MED6: variants seen among roughly 807,000 people sequenced by gnomAD.
MED6 encodes the protein mediator complex subunit 6, also known as mediator of RNA polymerase II transcription subunit 6.
A neutral mutation model predicts 37.5 loss-of-function variants in MED6; 33 were observed. The ratio of observed to expected loss-of-function variants is 0.88; its 90% CI spans 0.67 to 1.18. MED6 has a LOEUF of 1.18. MED6 is among the 50% of genes most tolerant of loss of function. MED6 has a pLI of 0.00. For synonymous variants in MED6, 94 were observed against 93.6 expected (o/e 1.00, Z -0.02); for missense variants, 235 against 290.6 (o/e 0.81, Z 1.39).
Position 70,583,599 on chromosome 14 carries a change from A to G in MED6, c.*1214T>C, listed in dbSNP as rs1884610623. On this transcript the variant is annotated 3_prime_UTR_variant, in exon 8 of 8. Coordinates refer to ENST00000256379, the MANE Select transcript of MED6 (RefSeq NM_005466.4). The stretch of plus-strand genomic sequence containing the variant: ...ACCAAACACTGAAAAGGCATTATAC[A>G]AAGATATAATCACAGCAGTCTTATA... 1 of 152,370 alleles carries G rather than the reference A, an allele frequency of 6.6e-6. No individual in the cohort carries two copies. The highest frequency in any genetic ancestry group is 2.4e-5 in the African/African-American group (1 of 41,468). 9.4% of individuals were successfully genotyped at this position (152,370 alleles called of 1,614,324 possible).
intron 3 of MED6, 64 bp from the exon 4 acceptor site, chr14:70,593,442 C>G (rs1884945392): frequency 8.1e-7 from 1 of 1,232,856 alleles, no homozygotes; most frequent in Admixed American, 2.0e-5. Context: ...AACAGATTCT[C>G]ATAAAAAGAA....
chr14:70,593,620 T>G (rs994315523), intron 3 of MED6, among the ~76,000 whole-genome samples: 1 of 152,216 alleles, frequency 6.6e-6, no homozygotes, highest in Non-Finnish European at 1.5e-5. Flanking sequence ...AAGTATTTAG[T>G]CACTGGCCCT....
intron 3 of MED6, among the ~76,000 whole-genome samples, chr14:70,594,368 C>T (rs73283977): frequency 0.011 from 1,637 of 152,306 alleles, 18 homozygotes; most frequent in African/African-American, 0.032. Context: ...GTATAACCCA[C>T]GCAAGGCTTT....
chr14:70,596,701 G>T lies in MED6; in HGVS notation c.184C>A (p.Gln62Lys). The T allele has an allele frequency of 6.2e-7, 1 of 1,611,362 alleles. No individual in the cohort carries two copies. The highest frequency in any genetic ancestry group is 1.1e-5 in the South Asian group (1 of 90,924). Residue 62 changes from glutamine to lysine, a missense_variant and splice_region_variant, in exon 3 of 8, where the codon CAG becomes AAG. Physicochemically the swap from Gln to Lys is moderately conservative, Grantham distance 53. Coordinates refer to ENST00000256379, the MANE Select transcript of MED6 (RefSeq NM_005466.4). ...AGGATGTACTCGATTCCAACCATCT[G>T]ACTGAAAACAGAACACAGACATCCA... is the stretch of plus-strand genomic sequence containing the variant. ...MQRLTLEHLN[Q>K]MVGIEYILLH...
chr14:70,592,748 T>A, intron 5 of MED6, 132 bp downstream of exon 5: 1 of 934,936 alleles, frequency 1.1e-6, no homozygotes, highest in Non-Finnish European at 1.6e-6. Context: ...GAATCTCAGC[T>A]GCAACAAAGC....
At chr14:70,588,724 TAA>T (rs1884786535) in intron 6 of MED6, among the ~76,000 whole-genome samples, 1 of 115,108 alleles carries the variant, frequency 8.7e-6, no homozygotes. Context: ...ATAATAATAA[TAA>T]TAATAATAAT....
At chr14:70,600,655 CA>C (rs753913879), upstream of MED6, 5 of 1,612,834 alleles carry the variant, frequency 3.1e-6, no homozygotes, top group South Asian at 5.5e-5. Context: ...AGAGCGTTTA[CA>C]GGTTCTCTTT....
rs529195196 is a variant in MED6, at chr14:70,583,516, T to A, written c.*1297A>T. On this transcript the variant is annotated 3_prime_UTR_variant, in exon 8 of 8. Transcript: ENST00000256379. ...ACTTAGCAATATGGACTAAGAGCAATAAAAATGCAGAGACTCTAGTGATTC... is the reference window on the plus strand; with the variant it reads ...ACTTAGCAATATGGACTAAGAGCAAAAAAAATGCAGAGACTCTAGTGATTC... The A allele has an allele frequency of 1.3e-5, 2 of 152,116 alleles. No individual in the cohort carries two copies. Among genetic ancestry groups the A allele is most frequent in the African/African-American group, 4.8e-5 (2 of 41,402 alleles). The allele number at this position is 152,116 out of a possible 1,614,324, so 9.4% of individuals were successfully genotyped here. A position where few individuals can be genotyped will look rare whatever the true frequency, so the allele number is the denominator to read the frequency against.
At chr14:70,591,566 TAACTG>T (rs1884870925) in intron 5 of MED6, 185 bp from the exon 6 acceptor site, 2 of 499,958 alleles carry the variant, frequency 4.0e-6, no homozygotes, top group East Asian at 7.6e-5. Flanking sequence ...CTCTCCCTCT[TAACTG>T]AAGTTAAATT....
chr14:70,595,892 A>C, intron 3 of MED6: 1 of 555,388 alleles, frequency 1.8e-6, no homozygotes, highest in Non-Finnish European at 3.3e-6. Context: ...AGGTCAAAAA[A>C]CAAAACAAAA....
In MED6 at chr14:70,585,584, T is replaced by C. The variant is rs182614438; in HGVS notation, c.610+172A>G. 4.4e-3 allele frequency among the ~76,000 whole-genome samples: 666 copies of C among 151,204 alleles called. 5 individuals are homozygous for C. The highest frequency in any genetic ancestry group is 0.016 in the African/African-American group (642 of 41,016). ...TTTTTTTTTTTCAGCTCATCAGCCA[T>C]CATTAGTGTTATTTTATGTGTGACC... On this transcript the variant is annotated intron_variant, in intron 7 of 7. Transcript: ENST00000256379.
chr14:70,594,196 T>A (rs1884973319), intron 3 of MED6, among the ~76,000 whole-genome samples: 1 of 152,220 alleles, frequency 6.6e-6, no homozygotes, highest in Non-Finnish European at 1.5e-5. Flanking sequence ...CTCCCCTATC[T>A]TGAATCTTCT....
chr14:70,587,178 A>C (rs1173532181), intron 6 of MED6, among the ~76,000 whole-genome samples: 1 of 152,224 alleles, frequency 6.6e-6, no homozygotes, highest in African/African-American at 2.4e-5. Flanking sequence ...TTGAGAGAAG[A>C]GTGCACTCTG....
In MED6 at chr14:70,585,729, G is replaced by A. The variant is rs199763801; in HGVS notation, c.610+27C>T. 161 of 1,569,758 alleles carry A rather than the reference G, an allele frequency of 1.0e-4. No homozygotes were observed. In the African/African-American group the frequency reaches 1.9e-3, roughly 19 times the overall value. ...CAAGCTGTTTGACCTTATTTCAAGC[G>A]TAATAAGAATATTACATGAACCATA... On this transcript the variant is annotated intron_variant, in intron 7 of 7. Coordinates refer to ENST00000256379, the MANE Select transcript of MED6 (RefSeq NM_005466.4).
intron 6 of MED6, among the ~76,000 whole-genome samples, chr14:70,587,318 T>C (rs1282024106): frequency 6.6e-6 from 1 of 152,194 alleles, no homozygotes; most frequent in African/African-American, 2.4e-5. Flanking sequence ...AAATCTTAGC[T>C]GAGTACAACT....
chr14:70,589,788 C>G (rs927203146), intron 6 of MED6, among the ~76,000 whole-genome samples: 5 of 152,186 alleles, frequency 3.3e-5, no homozygotes, highest in African/African-American at 7.2e-5. Context: ...CATTACTCTT[C>G]CCCTCCACAA....
intron 6 of MED6, among the ~76,000 whole-genome samples, chr14:70,588,743 T>C (rs969745375): frequency 7.1e-6 from 1 of 140,304 alleles, no homozygotes; most frequent in Non-Finnish European, 1.5e-5. Context: ...TAATAATAAT[T>C]GGGAGGAAGT....
intron 3 of MED6, chr14:70,595,265 T>G: frequency 1.8e-6 from 1 of 545,920 alleles, no homozygotes; most frequent in Admixed American, 1.9e-5. Flanking sequence ...TACCCCCAAA[T>G]CTCAGGACCT....
At chr14:70,587,629 ACATAAT>A (rs925163789) in intron 6 of MED6, among the ~76,000 whole-genome samples, 3 of 152,214 alleles carry the variant, frequency 2.0e-5, no homozygotes, top group Non-Finnish European at 4.4e-5. Flanking sequence ...TATTTACCCA[ACATAAT>A]ACACTGTCTA....
Sources: gnomAD v4.1 joint callset for allele counts (sites outside exome capture counted in the v4.1 genomes callset) on GRCh38, gnomAD v4.1.1 for gene constraint, MANE v1.5 for transcripts, NCBI Gene and HGNC (gene_info 2026-07-23, HGNC 2026-07-21) for gene names.